Variants in TENM2 observed in about 807,000 individuals in gnomAD.
TENM2 encodes teneurin-2.
In TENM2, 52 loss-of-function variants were observed where a neutral mutation model predicts 245.2. That is an observed-to-expected ratio of 0.21 (90% confidence interval 0.17 to 0.27). The LOEUF is 0.27. Ranked by LOEUF, TENM2 falls within the 10% of genes least tolerant of loss-of-function variation. The probability of loss-of-function intolerance (pLI) is 1.00; values close to 1 mark genes in which losing one functional copy is unlikely to be tolerated. For synonymous variants in TENM2, 1,363 were observed against 1,438.9 expected, an observed-to-expected ratio of 0.95 and a Z score of 1.19; for missense variants, 3,046 against 3,666.8, an observed-to-expected ratio of 0.83 and a Z score of 4.37.
chr5:167,606,058 C>T (rs2127738308), intron 2 of TENM2, among the ~76,000 whole-genome samples: 1 of 152,308 alleles, frequency 6.6e-6, no homozygotes, highest in South Asian at 2.1e-4. Flanking sequence ...GACTAAAACT[C>T]CAGTTCCCTG....
intron 2 of TENM2, among the ~76,000 whole-genome samples, chr5:167,713,579 T>C (rs554138039): frequency 6.6e-6 from 1 of 152,222 alleles, no homozygotes; most frequent in South Asian, 2.1e-4. Context: ...CACCACCACA[T>C]TCATGTGCAT....
chr5:167,060,580 G>A, the TENM2 span, among the ~76,000 whole-genome samples: 2 of 150,440 alleles, frequency 1.3e-5, no homozygotes, highest in African/African-American at 4.9e-5. Context: ...GAACTGGGGA[G>A]GTGGAGATTA....
the TENM2 span, among the ~76,000 whole-genome samples, chr5:166,993,546 G>A: frequency 6.6e-6 from 1 of 152,168 alleles, no homozygotes; most frequent in East Asian, 1.9e-4. Flanking sequence ...GTTTTCCTCA[G>A]TTAGATATTT....
At chr5:167,044,004 G>C in the TENM2 span, among the ~76,000 whole-genome samples, 1 of 144,632 alleles carries the variant, frequency 6.9e-6, no homozygotes, top group South Asian at 2.1e-4. Flanking sequence ...TGGTGACAGA[G>C]CGAGACTGCA....
chr5:167,924,334 G>A (rs944132007), intron 3 of TENM2, among the ~76,000 whole-genome samples: 2 of 152,318 alleles, frequency 1.3e-5, no homozygotes, highest in Non-Finnish European at 2.9e-5. Flanking sequence ...GTCCATGAGC[G>A]CTTGCCAGGA....
chr5:167,242,360 T>G, the TENM2 span, among the ~76,000 whole-genome samples: 3 of 152,320 alleles, frequency 2.0e-5, no homozygotes, highest in African/African-American at 7.2e-5. Flanking sequence ...TGTTTAGGTT[T>G]TCTAATTGAT....
At chr5:168,042,463 A>G (rs1788274064) in intron 5 of TENM2, among the ~76,000 whole-genome samples, 2 of 152,154 alleles carry the variant, frequency 1.3e-5, no homozygotes, top group African/African-American at 4.8e-5. Flanking sequence ...TCTGCCAGCC[A>G]ATGAACACAG....
intron 1 of TENM2, among the ~76,000 whole-genome samples, chr5:167,340,057 CA>C (rs1758004599): frequency 6.6e-6 from 1 of 152,222 alleles, no homozygotes; most frequent in Non-Finnish European, 1.5e-5. Flanking sequence ...TTTTCTCAGC[CA>C]AATACTCAAT....
At chr5:167,854,151 T>G (rs1770855259) in intron 2 of TENM2, among the ~76,000 whole-genome samples, 1 of 152,110 alleles carries the variant, frequency 6.6e-6, no homozygotes, top group Admixed American at 6.6e-5. Context: ...GATGCTGTAT[T>G]AATATTTCAG....
chr5:167,801,112 ATATATATATATATATATATATATAT>A (rs1765720099), intron 2 of TENM2, among the ~76,000 whole-genome samples: 10 of 51,010 alleles, frequency 2.0e-4, no homozygotes, highest in Middle Eastern at 0.016. Context: ...AAAAAAAAAT[ATATATATATATATATATATATATAT>A]ATATATATAT....
intron 2 of TENM2, among the ~76,000 whole-genome samples, chr5:167,738,353 C>T (rs1561723165): frequency 6.6e-6 from 1 of 152,170 alleles, no homozygotes; most frequent in Non-Finnish European, 1.5e-5. Context: ...CTGATATCCT[C>T]TCACCTCCTG....
chr5:168,062,011 T>C (rs968036966), intron 6 of TENM2, 49 bp from the exon 9 acceptor site: 2 of 1,492,006 alleles, frequency 1.3e-6, no homozygotes, highest in Non-Finnish European at 1.8e-6. Flanking sequence ...TAGAGCCAAC[T>C]AATCTATACA....
At chr5:167,523,485 CA>C (rs1482040402) in intron 2 of TENM2, among the ~76,000 whole-genome samples, 1 of 152,064 alleles carries the variant, frequency 6.6e-6, no homozygotes, top group Non-Finnish European at 1.5e-5. Flanking sequence ...CGTCAAATAT[CA>C]GGGGATTTTA....
intron 2 of TENM2, among the ~76,000 whole-genome samples, chr5:167,669,030 T>C (rs577533985): frequency 6.4e-4 from 98 of 152,210 alleles, no homozygotes; most frequent in Non-Finnish European, 8.1e-4. Context: ...CCATTTTAAC[T>C]GAGCACACAC....
intron 2 of TENM2, among the ~76,000 whole-genome samples, chr5:167,776,596 A>G (rs1425261987): frequency 0.016 from 548 of 34,922 alleles, 30 homozygotes; most frequent in African/African-American, 0.042. Context: ...CCTGTCTGAA[A>G]AAAAAAAAAA....
At chr5:167,084,935 C>T in the TENM2 span, among the ~76,000 whole-genome samples, 1 of 152,066 alleles carries the variant, frequency 6.6e-6, no homozygotes, top group African/African-American at 2.4e-5. Context: ...CCTATGATGC[C>T]TTTAACATTA....
At chr5:167,804,171 A>G (rs1765981279) in intron 2 of TENM2, among the ~76,000 whole-genome samples, 1 of 152,086 alleles carries the variant, frequency 6.6e-6, no homozygotes, top group Non-Finnish European at 1.5e-5. Flanking sequence ...CATAGATAAC[A>G]TTCTTCTGCT....
intron 13 of TENM2, among the ~76,000 whole-genome samples, chr5:168,165,529 C>T (rs1384050354): frequency 6.6e-6 from 1 of 151,836 alleles, no homozygotes; most frequent in African/African-American, 2.4e-5. Context: ...AGCCCTACCC[C>T]TGATCCCAGC....
At chr5:167,946,237 C>T (rs1583450527) in intron 3 of TENM2, among the ~76,000 whole-genome samples, 2 of 152,238 alleles carry the variant, frequency 1.3e-5, no homozygotes, top group African/African-American at 4.8e-5. Context: ...CATCCCTGGG[C>T]TCTTGGCAAA....
Sources: gnomAD v4.1 joint callset for allele counts (sites outside exome capture counted in the v4.1 genomes callset) on GRCh38, gnomAD v4.1.1 for gene constraint, MANE v1.5 for transcripts, NCBI Gene and HGNC (gene_info 2026-07-23, HGNC 2026-07-21) for gene names.